NCAM1: variants seen among roughly 807,000 people sequenced by gnomAD.
The protein encoded by NCAM1 is neural cell adhesion molecule 1.
A neutral mutation model predicts 109.8 loss-of-function variants in NCAM1; 14 were observed. The observed-to-expected ratio is 0.13, with a 90% CI of 0.08 to 0.20. The LOEUF (loss-of-function observed/expected upper bound fraction) is 0.20. Among genes scored for constraint, NCAM1 ranks in the 10% least tolerant of loss-of-function variants. The probability of loss-of-function intolerance (pLI) is 1.00; values close to 1 mark genes in which losing one functional copy is unlikely to be tolerated. For synonymous variants in NCAM1, 418 were observed against 442.9 expected (o/e 0.94, Z 0.70); for missense variants, 774 against 1,109.9 (o/e 0.70, Z 4.30).
At position 113,269,939 on chromosome 11, in the gene NCAM1, A is replaced by T. The variant is rs1946229053; in HGVS notation, c.2132-249A>T. On this transcript the variant is annotated intron_variant, in intron 17 of 19. Coordinates refer to ENST00000316851, the MANE Select transcript of NCAM1 (RefSeq NM_181351.5). ...CTGCTCCCAGGACTCACGGGAGGCC[A>T]GCTGACCAGGCTCACCCCTGTTCCC... 3 of 556,228 alleles carry T rather than the reference A, an allele frequency of 5.4e-6. No individual in the cohort carries two copies. In the East Asian group the frequency reaches 9.2e-5, roughly 17 times the overall value. The allele number at this position is 556,228 out of a possible 1,614,324, so 34.5% of individuals were successfully genotyped here. A position where few individuals can be genotyped will look rare whatever the true frequency, so the allele number is the denominator to read the frequency against.
intron 1 of NCAM1, among the ~76,000 whole-genome samples, chr11:113,140,036 C>T (rs1427711775): frequency 1.3e-5 from 2 of 152,202 alleles, no homozygotes; most frequent in African/African-American, 2.4e-5. Context: ...TCACCATTAT[C>T]ACAAATATTT....
At chr11:113,066,484 A>T (rs1555084258) in intron 1 of NCAM1, among the ~76,000 whole-genome samples, 1 of 152,168 alleles carries the variant, frequency 6.6e-6, no homozygotes, top group Admixed American at 6.5e-5. Context: ...TCCTAGGATC[A>T]CTCAGGATCA....
intron 1 of NCAM1, among the ~76,000 whole-genome samples, chr11:113,157,667 T>G (rs1002031227): frequency 6.6e-6 from 1 of 152,156 alleles, no homozygotes; most frequent in Non-Finnish European, 1.5e-5. Flanking sequence ...CTGAAAAACT[T>G]AAATATTTAT....
chr11:113,215,827 C>G (rs1258473575), intron 8 of NCAM1, among the ~76,000 whole-genome samples: 1 of 152,182 alleles, frequency 6.6e-6, no homozygotes, highest in Non-Finnish European at 1.5e-5. Flanking sequence ...GAATTAAACC[C>G]TTAGCTAAGA....
intron 1 of NCAM1, among the ~76,000 whole-genome samples, chr11:113,188,053 C>T (rs1161606054): frequency 6.6e-6 from 1 of 152,170 alleles, no homozygotes; most frequent in Non-Finnish European, 1.5e-5. Context: ...AAGTTTGTTG[C>T]TACTGTTGCT....
intron 8 of NCAM1, among the ~76,000 whole-genome samples, chr11:113,220,763 C>T (rs1044233937): frequency 2.0e-5 from 3 of 151,818 alleles, no homozygotes; most frequent in East Asian, 1.9e-4. Context: ...CCTGCCACCA[C>T]GCCCAGCTAA....
intron 1 of NCAM1, among the ~76,000 whole-genome samples, chr11:113,095,297 C>T (rs1205216354): frequency 6.8e-6 from 1 of 146,882 alleles, no homozygotes; most frequent in African/African-American, 2.6e-5. Context: ...ATAGCACTGA[C>T]CTTGCTGTAA....
intron 1 of NCAM1, among the ~76,000 whole-genome samples, chr11:113,100,641 T>A (rs114614982): frequency 9.9e-4 from 150 of 152,228 alleles, no homozygotes; most frequent in African/African-American, 3.4e-3. Flanking sequence ...CTCTTTGACA[T>A]TCAATTGTTT....
intron 1 of NCAM1, among the ~76,000 whole-genome samples, chr11:113,010,317 A>T (rs1555074155): frequency 1.3e-5 from 2 of 152,214 alleles, no homozygotes; most frequent in African/African-American, 4.8e-5. Context: ...ATTAAAATGT[A>T]TTTCCTCAGA....
rs1555126581 is a variant in NCAM1 at position 113,276,186 on chromosome 11, T to A, written c.*799T>A. 1 of 152,626 alleles carries A rather than the reference T, an allele frequency of 6.6e-6. No homozygotes were observed. The highest frequency in any genetic ancestry group is 1.5e-5 in the Non-Finnish European group (1 of 68,034). 9.5% of individuals were successfully genotyped at this position (152,626 alleles called of 1,614,324 possible). A position where few individuals can be genotyped will look rare whatever the true frequency, so the allele number is the denominator to read the frequency against. On this transcript the variant is annotated 3_prime_UTR_variant, in exon 20 of 20. Coordinates refer to ENST00000316851, the MANE Select transcript of NCAM1 (RefSeq NM_181351.5). ...AATAGCTGCCTTTTATTTTTTAAGG[T>A]AACAAATACCACCTAGAGGTAGGTA...
At chr11:113,063,706 A>G (rs1937791899) in intron 1 of NCAM1, among the ~76,000 whole-genome samples, 1 of 152,258 alleles carries the variant, frequency 6.6e-6, no homozygotes, top group Admixed American at 6.5e-5. Flanking sequence ...AACACACTCA[A>G]ACCTTGTCTA....
At chr11:113,271,712 C>T (rs1268877558) in intron 18 of NCAM1, 48 bp from the exon 19 acceptor site, 5 of 1,443,620 alleles carry the variant, frequency 3.5e-6, no homozygotes, top group Non-Finnish European at 4.7e-6. Flanking sequence ...CGTGGGAGCC[C>T]CTCCCTGCAG....
At position 113,161,655 on chromosome 11, in the gene NCAM1, T is replaced by A. The variant is rs532017748; in HGVS notation, c.53-40724T>A. Among the ~76,000 whole-genome samples, 353 of 152,354 alleles carry A rather than the reference T, an allele frequency of 2.3e-3. 1 individual carries two copies. Among genetic ancestry groups the A allele is most frequent in the South Asian group, 6.4e-3 (31 of 4,832 alleles). ...CCTGTTGAGTATGGTCAGTATGTCATGCTAGTAAAGAAAGTCACCTTGTTT... is the reference window on the plus strand; with the variant it reads ...CCTGTTGAGTATGGTCAGTATGTCAAGCTAGTAAAGAAAGTCACCTTGTTT... On this transcript the variant is annotated intron_variant, in intron 1 of 19. Transcript: ENST00000316851.
chr11:113,112,570 T>C (rs539516265), intron 1 of NCAM1, among the ~76,000 whole-genome samples: 2 of 152,238 alleles, frequency 1.3e-5, no homozygotes, highest in South Asian at 2.1e-4. Flanking sequence ...AGAATTGTGA[T>C]ACTTAAGGTT....
At chr11:113,238,373 T>C (rs1945234523) in intron 14 of NCAM1, among the ~76,000 whole-genome samples, 1 of 152,208 alleles carries the variant, frequency 6.6e-6, no homozygotes, top group Non-Finnish European at 1.5e-5. Flanking sequence ...GCGGTGAACA[T>C]ATGGGAACAT....
chr11:113,272,490 G>A lies in NCAM1; in HGVS notation c.2456+614G>A, dbSNP rs549581979. On this transcript the variant is annotated intron_variant, in intron 19 of 19. Transcript: ENST00000316851. ...TGCCTTATTCGTGACTTTTCCCATCGGTGCCCTGGGGAGCCCTGCAGGACA... is the reference window on the plus strand; with the variant it reads ...TGCCTTATTCGTGACTTTTCCCATCAGTGCCCTGGGGAGCCCTGCAGGACA... 4.7e-3 allele frequency among the ~76,000 whole-genome samples: 722 copies of A among 152,160 alleles called. 11 individuals carry two copies. The highest frequency in any genetic ancestry group is 0.035 in the South Asian group (167 of 4,810).
chr11:113,117,915 A>G (rs111356137), intron 1 of NCAM1, among the ~76,000 whole-genome samples: 3 of 152,150 alleles, frequency 2.0e-5, no homozygotes, highest in African/African-American at 7.2e-5. Context: ...ACAAACTGGC[A>G]TCTCAGGCAG....
intron 1 of NCAM1, among the ~76,000 whole-genome samples, chr11:113,149,417 G>A (rs1038526366): frequency 6.6e-6 from 1 of 152,176 alleles, no homozygotes; most frequent in Non-Finnish European, 1.5e-5. Flanking sequence ...TCCAAATAAG[G>A]GAAGATAACA....
intron 1 of NCAM1, among the ~76,000 whole-genome samples, chr11:113,112,632 A>C (rs1940494935): frequency 6.6e-6 from 1 of 152,204 alleles, no homozygotes; most frequent in South Asian, 2.1e-4. Context: ...GTTCACCATT[A>C]TGTAGAGAAA....
Sources: allele counts gnomAD v4.1 joint callset (sites outside exome capture counted in the v4.1 genomes callset), GRCh38; gene constraint gnomAD v4.1.1; transcripts MANE v1.5; gene names NCBI Gene and HGNC (gene_info 2026-07-23, HGNC 2026-07-21).